Variants in ASPH observed in about 807,000 individuals in gnomAD.
ASPH encodes the protein aspartate beta-hydroxylase.
In ASPH, 100 loss-of-function variants were observed where a neutral mutation model predicts 118.4. The ratio of observed to expected loss-of-function variants is 0.84; its 90% CI spans 0.72 to 1.00. The LOEUF (loss-of-function observed/expected upper bound fraction) is 1.00. ASPH is among the 50% of genes least tolerant of loss of function. ASPH has a pLI of 0.00. For synonymous variants in ASPH, 315 were observed against 325.6 expected, an observed-to-expected ratio of 0.97 and a Z score of 0.35; for missense variants, 920 against 919.5, an observed-to-expected ratio of 1.00 and a Z score of -0.01.
rs557485238 is a variant in ASPH, at chr8:61,506,320, G to A, written c.2127-2811C>T. ...AGGAGAAGAGTGGTTGCCAGTGGCC[G>A]GTGGGAGGACGGGAATGGGAGTTAT... is the stretch of plus-strand genomic sequence containing the variant. On this transcript the variant is annotated intron_variant, in intron 24 of 24. Transcript: ENST00000379454. Among the ~76,000 whole-genome samples the A allele has an allele frequency of 2.2e-4, 34 of 152,306 alleles. No homozygotes were observed. The South Asian group carries it at 6.2e-3, about 28-fold the overall frequency.
At chr8:61,548,339 T>A in intron 20 of ASPH, 131 bp from the exon 21 acceptor site, 1 of 1,056,538 alleles carries the variant, frequency 9.5e-7, no homozygotes, top group Non-Finnish European at 1.3e-6. Flanking sequence ...TGCTAGGTAC[T>A]CAAATCTGTT....
At chr8:61,537,875 C>T (rs1298082858) in intron 21 of ASPH, among the ~76,000 whole-genome samples, 1 of 151,298 alleles carries the variant, frequency 6.6e-6, no homozygotes, top group Non-Finnish European at 1.5e-5. Flanking sequence ...ACTGATTTTG[C>T]TTTCAGAAAA....
At chr8:61,668,184 C>G in intron 3 of ASPH, 2 of 1,517,542 alleles carry the variant, frequency 1.3e-6, no homozygotes, top group Non-Finnish European at 1.8e-6. Context: ...CATGCATTTT[C>G]AAACATTAAA....
At chr8:61,534,828 C>A (rs1234857180) in intron 21 of ASPH, among the ~76,000 whole-genome samples, 1 of 152,220 alleles carries the variant, frequency 6.6e-6, no homozygotes, top group Admixed American at 6.5e-5. Context: ...TGGTAATTTG[C>A]AAGGGCAGCC....
In ASPH at chr8:61,503,321, C is replaced by A. The variant is rs1805246274; in HGVS notation, c.*38G>T. 1.3e-6 allele frequency: 2 copies of A among 1,568,082 alleles called. No individual in the cohort carries two copies. Among genetic ancestry groups the A allele is most frequent in the Non-Finnish European group, 1.7e-6 (2 of 1,151,992 alleles). ...CAAGGAGATGGAACCAGAAAGGCAG[C>A]CTCTCTCCAGAGTTTCCCAAGCTTG... On this transcript the variant is annotated 3_prime_UTR_variant, in exon 25 of 25. Coordinates refer to ENST00000379454, the MANE Select transcript of ASPH (RefSeq NM_004318.4).
chr8:61,642,527 C>A (rs374806980), intron 10 of ASPH, among the ~76,000 whole-genome samples: 1 of 152,148 alleles, frequency 6.6e-6, no homozygotes, highest in Non-Finnish European at 1.5e-5. Context: ...ATCTTGTAGT[C>A]AAACTATAGG....
intron 3 of ASPH, among the ~76,000 whole-genome samples, chr8:61,662,495 A>G (rs1383400901): frequency 2.0e-5 from 3 of 152,218 alleles, no homozygotes; most frequent in Non-Finnish European, 4.4e-5. Flanking sequence ...TGAAGCAAAC[A>G]ATACAGAAAT....
intron 22 of ASPH, among the ~76,000 whole-genome samples, chr8:61,520,554 A>C (rs1461359861): frequency 6.6e-6 from 1 of 152,246 alleles, no homozygotes; most frequent in African/African-American, 2.4e-5. Context: ...TAATTGAATA[A>C]AATGTTAATT....
chr8:61,617,348 GTGAAGGGAGTGTT>G (rs1849394459), intron 14 of ASPH, among the ~76,000 whole-genome samples: 1 of 152,214 alleles, frequency 6.6e-6, no homozygotes, highest in Admixed American at 6.5e-5. Context: ...AGCAAGCCAT[GTGAAGGGAGTGTT>G]TGAAGGACAG....
chr8:61,504,663 C>T (rs764826011), intron 24 of ASPH, among the ~76,000 whole-genome samples: 2 of 152,164 alleles, frequency 1.3e-5, no homozygotes, highest in South Asian at 4.1e-4. Context: ...CTGACCTCCA[C>T]CCACTGTATG....
intron 1 of ASPH, among the ~76,000 whole-genome samples, chr8:61,703,431 A>C (rs770615348): frequency 6.6e-6 from 1 of 152,244 alleles, no homozygotes; most frequent in African/African-American, 2.4e-5. Flanking sequence ...TAGCAAAGCT[A>C]CATGATATAA....
rs764481825 is a variant in ASPH at position 61,518,106 on chromosome 8, C to A, written c.1918G>T (p.Ala640Ser). ...CAGGTTTTAGGAGCTCCTTTGCAGG[C>A]ATTTTCATTTCTTCTTCCTAGAATA... is the stretch of plus-strand genomic sequence containing the variant. ...LWQQGRRNEN[A>S]CKGAPKTCTL... is the part of the protein sequence containing the mutation. Residue 640 changes from alanine to serine, a missense_variant, in exon 23 of 25, where the codon GCC becomes TCC. By Grantham distance (99) the Ala-to-Ser change is moderately conservative. Coordinates refer to ENST00000379454, the MANE Select transcript of ASPH (RefSeq NM_004318.4). The A allele has an allele frequency of 1.2e-6, 2 of 1,613,508 alleles. No individual in the cohort carries two copies. The highest frequency in any genetic ancestry group is 1.7e-6 in the Non-Finnish European group (2 of 1,179,588).
intron 15 of ASPH, among the ~76,000 whole-genome samples, chr8:61,580,158 A>G (rs928952089): frequency 2.0e-5 from 3 of 152,034 alleles, no homozygotes; most frequent in African/African-American, 7.2e-5. Context: ...GGCTGGTCTT[A>G]GGTATCTGCG....
chr8:61,661,521 G>A (rs1366463019), intron 3 of ASPH: 2 of 157,188 alleles, frequency 1.3e-5, no homozygotes, highest in African/African-American at 4.8e-5. Context: ...ATTATTACCA[G>A]TGGGCATTAA....
intron 1 of ASPH, chr8:61,687,825 C>G (rs1831130218): frequency 6.6e-6 from 1 of 152,124 alleles, no homozygotes; most frequent in South Asian, 2.1e-4. Context: ...ATATTATCAG[C>G]AATATTTTAT....
At chr8:61,505,618 A>C (rs1439244765) in intron 24 of ASPH, among the ~76,000 whole-genome samples, 2 of 151,922 alleles carry the variant, frequency 1.3e-5, no homozygotes, top group East Asian at 3.9e-4. Flanking sequence ...GTATGTCTTT[A>C]TCAGCTGCAT....
intron 14 of ASPH, among the ~76,000 whole-genome samples, chr8:61,593,062 A>G (rs1226237935): frequency 6.6e-6 from 1 of 152,310 alleles, no homozygotes; most frequent in Non-Finnish European, 1.5e-5. Context: ...CTTTCATTTA[A>G]AAGTGGGAAT....
chr8:61,672,365 GA>G (rs1164143551), intron 3 of ASPH, among the ~76,000 whole-genome samples: 3 of 151,842 alleles, frequency 2.0e-5, no homozygotes, highest in Non-Finnish European at 2.9e-5. Context: ...CAGAGACAGA[GA>G]AAAAAAGGTA....
chr8:61,636,165 T>C (rs575827189), intron 12 of ASPH, among the ~76,000 whole-genome samples: 31 of 152,282 alleles, frequency 2.0e-4, no homozygotes, highest in African/African-American at 7.2e-4. Flanking sequence ...GCTATACTTT[T>C]GGACAGATCA....
Sources: gnomAD v4.1 joint callset for allele counts (sites outside exome capture counted in the v4.1 genomes callset) on GRCh38, gnomAD v4.1.1 for gene constraint, MANE v1.5 for transcripts, NCBI Gene and HGNC (gene_info 2026-07-23, HGNC 2026-07-21) for gene names.